The following GALNTL6 variants were observed in gnomAD, a reference collection of about 807,000 sequenced individuals.
GALNTL6 encodes polypeptide N-acetylgalactosaminyltransferase-like 6.
In GALNTL6, 46 loss-of-function variants were observed where a neutral mutation model predicts 73.7. The observed-to-expected ratio is 0.62, with a 90% CI of 0.49 to 0.80. The LOEUF (loss-of-function observed/expected upper bound fraction) is 0.80, where lower values mean the gene tolerates loss of function less well. GALNTL6 is among the 30% of genes least tolerant of loss of function. GALNTL6 has a pLI of 0.00. For synonymous variants in GALNTL6, 259 were observed against 263.7 expected (o/e 0.98, Z 0.17); for missense variants, 604 against 755.0 (o/e 0.80, Z 2.34).
chr4:172,587,738 G>A (rs1434938426), intron 5 of GALNTL6, among the ~76,000 whole-genome samples: 1 of 152,004 alleles, frequency 6.6e-6, no homozygotes, highest in Non-Finnish European at 1.5e-5. Context: ...AGCTTTTTGT[G>A]AACCATCACC....
At chr4:172,401,644 C>T (rs1032348345) in intron 5 of GALNTL6, among the ~76,000 whole-genome samples, 1 of 151,908 alleles carries the variant, frequency 6.6e-6, no homozygotes, top group Non-Finnish European at 1.5e-5. Context: ...AAATTTATGA[C>T]CTTATTTAAG....
chr4:172,547,482 G>C (rs368922151), intron 5 of GALNTL6, among the ~76,000 whole-genome samples: 39 of 152,204 alleles, frequency 2.6e-4, no homozygotes, highest in African/African-American at 8.7e-4. Flanking sequence ...AGCTGGGGGA[G>C]GGAAGCATAT....
At chr4:172,213,579 G>C (rs572184327) in intron 2 of GALNTL6, among the ~76,000 whole-genome samples, 1 of 152,196 alleles carries the variant, frequency 6.6e-6, no homozygotes, top group Non-Finnish European at 1.5e-5. Flanking sequence ...TGAGATGTCT[G>C]TTCAGTTGAT....
intron 10 of GALNTL6, among the ~76,000 whole-genome samples, chr4:172,961,597 C>T (rs193146079): frequency 1.9e-4 from 29 of 152,118 alleles, no homozygotes; most frequent in Non-Finnish European, 3.1e-4. Context: ...TTTGGGTTCA[C>T]GGGTAAAACG....
At chr4:172,545,634 AT>A (rs1321662355) in intron 5 of GALNTL6, 4 of 152,154 alleles carry the variant, frequency 2.6e-5, no homozygotes, top group African/African-American at 9.7e-5. Context: ...CCCTCTGTTT[AT>A]TTCCCCTGTT....
chr4:172,727,875 GT>G (rs1237352417), intron 5 of GALNTL6, among the ~76,000 whole-genome samples: 2 of 150,302 alleles, frequency 1.3e-5, no homozygotes, highest in Admixed American at 1.3e-4. Context: ...TCTTTTTATT[GT>G]TTTTTTATTG....
intron 2 of GALNTL6, among the ~76,000 whole-genome samples, chr4:171,925,521 G>T (rs1015735514): frequency 1.3e-5 from 2 of 152,134 alleles, no homozygotes; most frequent in Non-Finnish European, 2.9e-5. Context: ...AAGACATCCC[G>T]CTGAGATTTC....
At chr4:172,329,103 A>T (rs1741037178) in intron 4 of GALNTL6, among the ~76,000 whole-genome samples, 1 of 152,142 alleles carries the variant, frequency 6.6e-6, no homozygotes, top group Non-Finnish European at 1.5e-5. Flanking sequence ...CATGGAGAAC[A>T]GTCTGTCCAT....
intron 3 of GALNTL6, among the ~76,000 whole-genome samples, chr4:172,297,130 A>G (rs1253956732): frequency 1.3e-5 from 2 of 151,994 alleles, no homozygotes; most frequent in Non-Finnish European, 2.9e-5. Flanking sequence ...GCATTTTTTC[A>G]TGTCTCTGTT....
At chr4:172,930,123 A>C (rs1471631432) in intron 8 of GALNTL6, among the ~76,000 whole-genome samples, 4 of 152,116 alleles carry the variant, frequency 2.6e-5, no homozygotes, top group Non-Finnish European at 5.9e-5. Context: ...CTAAAAATAC[A>C]AAAAATTAGC....
intron 5 of GALNTL6, among the ~76,000 whole-genome samples, chr4:172,515,267 TA>T (rs1326792354): frequency 6.6e-6 from 1 of 152,244 alleles, no homozygotes; most frequent in African/African-American, 2.4e-5. Flanking sequence ...TGTAGGGATT[TA>T]AACAGTTAAA....
At chr4:172,998,910 T>C (rs1420459829) in intron 10 of GALNTL6, among the ~76,000 whole-genome samples, 1 of 151,542 alleles carries the variant, frequency 6.6e-6, no homozygotes, top group Non-Finnish European at 1.5e-5. Flanking sequence ...CAATTCTTAC[T>C]CATACGTGGT....
At chr4:173,009,666 C>G (rs1359939411) in intron 11 of GALNTL6, among the ~76,000 whole-genome samples, 1 of 152,158 alleles carries the variant, frequency 6.6e-6, no homozygotes, top group Non-Finnish European at 1.5e-5. Context: ...TTTAATGACT[C>G]TGCTGTTCTG....
At chr4:171,933,050 G>T (rs2110999886) in intron 2 of GALNTL6, among the ~76,000 whole-genome samples, 1 of 152,256 alleles carries the variant, frequency 6.6e-6, no homozygotes, top group African/African-American at 2.4e-5. Context: ...TAGCAAGATT[G>T]CCTGTGTATA....
intron 5 of GALNTL6, among the ~76,000 whole-genome samples, chr4:172,402,609 G>C (rs1744081875): frequency 6.6e-6 from 1 of 151,966 alleles, no homozygotes; most frequent in Non-Finnish European, 1.5e-5. Context: ...AAATAGAAAG[G>C]ATTTCAAAAA....
At position 172,098,193 on chromosome 4, in the gene GALNTL6, A is replaced by G. The variant is rs1280310793; in HGVS notation, c.139-131463A>G. 2.0e-5 allele frequency among the ~76,000 whole-genome samples: 3 copies of G among 152,230 alleles called. No homozygotes were observed. The East Asian group carries it at 5.8e-4, about 29-fold the overall frequency. ...GTCTCTCTCTATATATAAGACATCTATATATCTATGTATATATATAGGATA... is the reference window on the plus strand; with the variant it reads ...GTCTCTCTCTATATATAAGACATCTGTATATCTATGTATATATATAGGATA... On this transcript the variant is annotated intron_variant, in intron 2 of 12. Transcript: ENST00000506823.
At chr4:172,046,377 C>T (rs1742222772) in intron 2 of GALNTL6, among the ~76,000 whole-genome samples, 1 of 152,096 alleles carries the variant, frequency 6.6e-6, no homozygotes, top group Non-Finnish European at 1.5e-5. Flanking sequence ...CATAGGTATA[C>T]ATGTGTCATG....
At chr4:172,125,547 A>G (rs1199315035) in intron 2 of GALNTL6, among the ~76,000 whole-genome samples, 1 of 152,178 alleles carries the variant, frequency 6.6e-6, no homozygotes, top group Non-Finnish European at 1.5e-5. Context: ...ATTCTCTTAC[A>G]ATTATAGCCA....
At chr4:172,904,338 C>T (rs1746772153) in intron 8 of GALNTL6, among the ~76,000 whole-genome samples, 1 of 152,178 alleles carries the variant, frequency 6.6e-6, no homozygotes, top group African/African-American at 2.4e-5. Context: ...TTAAACAGAG[C>T]TTCAGTCCTT....
Sources: allele counts gnomAD v4.1 joint callset (sites outside exome capture counted in the v4.1 genomes callset), GRCh38; gene constraint gnomAD v4.1.1; transcripts MANE v1.5; gene names NCBI Gene and HGNC (gene_info 2026-07-23, HGNC 2026-07-21).